The following ARSJ variants were observed in gnomAD, a reference collection of about 807,000 sequenced individuals.
The protein encoded by ARSJ is arylsulfatase family member J, also known as arylsulfatase J.
In ARSJ, 26 loss-of-function variants were observed where a neutral mutation model predicts 35.9. The observed-to-expected ratio is 0.72, with a 90% CI of 0.53 to 1.00. The LOEUF (loss-of-function observed/expected upper bound fraction) is 1.00. ARSJ is among the 50% of genes least tolerant of loss of function. The pLI is 0.00. For missense variants in ARSJ, 667 were observed against 723.6 expected (o/e 0.92, Z 0.90); for synonymous variants, 294 against 267.6 (o/e 1.10, Z -0.96).
intron 1 of ARSJ, among the ~76,000 whole-genome samples, chr4:113,934,197 G>T (rs7437812): frequency 0.29 from 44,457 of 151,494 alleles, 6,735 homozygotes; most frequent in East Asian, 0.47. Context: ...CAGTATGGAG[G>T]TTTCCAAAAC....
At chr4:113,952,131 G>T (rs1287663100) in intron 1 of ARSJ, among the ~76,000 whole-genome samples, 1 of 151,968 alleles carries the variant, frequency 6.6e-6, no homozygotes, top group Non-Finnish European at 1.5e-5. Context: ...ATTCACAGGT[G>T]CATTCATAGT....
intron 1 of ARSJ, among the ~76,000 whole-genome samples, chr4:113,908,513 G>A (rs903143388): frequency 9.2e-5 from 14 of 152,160 alleles, no homozygotes; most frequent in Non-Finnish European, 1.9e-4. Flanking sequence ...AAATGGATCT[G>A]AGAAGTTGAA....
At chr4:113,954,036 G>T (rs1377472474) in intron 1 of ARSJ, among the ~76,000 whole-genome samples, 2 of 151,896 alleles carry the variant, frequency 1.3e-5, no homozygotes, top group African/African-American at 2.4e-5. Context: ...CCTGTTCTGG[G>T]TTTCTAATGC....
intron 1 of ARSJ, among the ~76,000 whole-genome samples, chr4:113,917,670 A>G (rs1001740299): frequency 2.0e-5 from 3 of 152,202 alleles, no homozygotes; most frequent in African/African-American, 7.2e-5. Context: ...GCATATTATT[A>G]GACTCTTCAA....
intron 1 of ARSJ, among the ~76,000 whole-genome samples, chr4:113,948,767 A>G (rs1362918897): frequency 2.6e-5 from 4 of 152,124 alleles, no homozygotes; most frequent in Non-Finnish European, 2.9e-5. Flanking sequence ...TGTGACATGG[A>G]GGAGTTGGCT....
At chr4:113,962,482 C>T (rs76889112) in intron 1 of ARSJ, among the ~76,000 whole-genome samples, 2 of 127,754 alleles carry the variant, frequency 1.6e-5, no homozygotes, top group Non-Finnish European at 3.5e-5. Context: ...GGAGCAGGCA[C>T]CTTTTTTTTT....
At chr4:113,919,598 T>C (rs949776248) in intron 1 of ARSJ, among the ~76,000 whole-genome samples, 9 of 152,212 alleles carry the variant, frequency 5.9e-5, no homozygotes, top group East Asian at 5.8e-4. Context: ...TCGCTTATCC[T>C]TTCTAAACCT....
At chr4:113,951,320 G>A (rs1432083256) in intron 1 of ARSJ, among the ~76,000 whole-genome samples, 1 of 152,068 alleles carries the variant, frequency 6.6e-6, no homozygotes, top group East Asian at 1.9e-4. Context: ...CCACGTTTCT[G>A]AGTTGTTTCA....
At chr4:113,975,744 C>A (rs185585080) in intron 1 of ARSJ, among the ~76,000 whole-genome samples, 29 of 152,250 alleles carry the variant, frequency 1.9e-4, no homozygotes, top group African/African-American at 7.0e-4. Flanking sequence ...TACCCCAGAA[C>A]ACAGTGACTG....
At chr4:113,941,919 A>C (rs1725184229) in intron 1 of ARSJ, among the ~76,000 whole-genome samples, 1 of 152,010 alleles carries the variant, frequency 6.6e-6, no homozygotes, top group East Asian at 1.9e-4. Context: ...ACATGTAAGA[A>C]GCACATGTTT....
chr4:113,934,011 T>G (rs1385831519), intron 1 of ARSJ, among the ~76,000 whole-genome samples: 2 of 151,772 alleles, frequency 1.3e-5, no homozygotes, highest in African/African-American at 4.8e-5. Context: ...ATCAAAAAAC[T>G]GTTAGAATTG....
At chr4:113,933,573 T>C (rs1452080774) in intron 1 of ARSJ, among the ~76,000 whole-genome samples, 1 of 151,812 alleles carries the variant, frequency 6.6e-6, no homozygotes, top group Admixed American at 6.6e-5. Context: ...TTACTTATTA[T>C]ATTAACAGAA....
intron 1 of ARSJ, among the ~76,000 whole-genome samples, chr4:113,928,373 T>C (rs994841804): frequency 3.3e-5 from 5 of 152,192 alleles, no homozygotes; most frequent in African/African-American, 1.2e-4. Flanking sequence ...GTTTGGGGTC[T>C]GTAAACTGGA....
intron 1 of ARSJ, among the ~76,000 whole-genome samples, chr4:113,961,814 G>T (rs1726552983): frequency 6.6e-6 from 1 of 151,772 alleles, no homozygotes; most frequent in South Asian, 2.1e-4. Context: ...ACCAACTACT[G>T]CTCAGACTCT....
At chr4:113,925,290 C>T (rs1298354686) in intron 1 of ARSJ, among the ~76,000 whole-genome samples, 1 of 151,956 alleles carries the variant, frequency 6.6e-6, no homozygotes, top group Non-Finnish European at 1.5e-5. Context: ...GATCTCTAGG[C>T]CAGCAGAAGG....
In ARSJ at chr4:113,902,030, G is replaced by A; in HGVS notation, c.*244C>T. On this transcript the variant is annotated 3_prime_UTR_variant, in exon 2 of 2. Coordinates refer to ENST00000315366, the MANE Select transcript of ARSJ (RefSeq NM_024590.4). ...CTCAGGACTCACCACGTTTTCTAAA[G>A]GAGCAAGAGAAATAAACATCTCCAC... The A allele has an allele frequency of 1.6e-6, 2 of 1,212,850 alleles. No individual in the cohort carries two copies. Among genetic ancestry groups the A allele is most frequent in the Non-Finnish European group, 2.2e-6 (2 of 894,332 alleles). The allele number at this position is 1,212,850 out of a possible 1,614,324, so 75.1% of individuals were successfully genotyped here.
intron 1 of ARSJ, among the ~76,000 whole-genome samples, chr4:113,958,025 T>C (rs977484101): frequency 6.6e-6 from 1 of 152,106 alleles, no homozygotes; most frequent in African/African-American, 2.4e-5. Context: ...TAAATTTGCA[T>C]GTTGTTTTGG....
At chr4:113,904,272 C>T (rs2099668049) in intron 1 of ARSJ, among the ~76,000 whole-genome samples, 1 of 152,138 alleles carries the variant, frequency 6.6e-6, no homozygotes, top group African/African-American at 2.4e-5. Context: ...AATTTGAATA[C>T]ACTTTAATCT....
intron 1 of ARSJ, among the ~76,000 whole-genome samples, chr4:113,906,362 G>A: frequency 6.6e-6 from 1 of 151,942 alleles, no homozygotes; most frequent in Non-Finnish European, 1.5e-5. Flanking sequence ...AACGTTTGCA[G>A]AAAAAAAAGA....
Sources: gnomAD v4.1 joint callset for allele counts (sites outside exome capture counted in the v4.1 genomes callset) on GRCh38, gnomAD v4.1.1 for gene constraint, MANE v1.5 for transcripts, NCBI Gene and HGNC (gene_info 2026-07-23, HGNC 2026-07-21) for gene names.